Variants in SUPT6H observed in about 807,000 individuals in gnomAD.
SUPT6H encodes the protein transcription elongation factor SPT6.
In SUPT6H, 11 loss-of-function variants were observed where a neutral mutation model predicts 222.3. That is an observed-to-expected ratio of 0.05 (90% CI 0.03 to 0.08). The LOEUF (loss-of-function observed/expected upper bound fraction) is 0.08. Among genes scored for constraint, SUPT6H ranks in the 10% least tolerant of loss-of-function variants. The pLI is 1.00. For synonymous variants in SUPT6H, 762 were observed against 801.2 expected (o/e 0.95, Z 0.83); for missense variants, 1,422 against 2,216.0 (o/e 0.64, Z 7.19).
chr17:28,699,130 T>C (rs1182126350), intron 32 of SUPT6H, among the ~76,000 whole-genome samples: 2 of 152,196 alleles, frequency 1.3e-5, no homozygotes, highest in African/African-American at 4.8e-5. Context: ...CTGGCCTTCA[T>C]TGAGCACAAC....
At position 28,699,879 on chromosome 17, in the gene SUPT6H, A is replaced by T. The variant is rs748311243; in HGVS notation, c.4547A>T (p.Gln1516Leu). 1.2e-6 allele frequency: 2 copies of T among 1,613,336 alleles called. No individual in the cohort carries two copies. Among genetic ancestry groups the T allele is most frequent in the Non-Finnish European group, 1.7e-6 (2 of 1,179,254 alleles). The change falls in exon 33 of 37, where the codon CAG (glutamine) becomes CTG (leucine). Residue 1516 changes from glutamine to leucine, a missense_variant. By Grantham distance (113) the Gln-to-Leu change is moderately radical. Around this residue, in one of 13 missense-constraint regions of SUPT6H, gnomAD observed 395 missense variants for 580.6 expected, o/e 0.68. Coordinates refer to ENST00000314616, the MANE Select transcript of SUPT6H (RefSeq NM_003170.5). ...GLFRWFKDHY[Q>L]DPVPGITPSS... is the part of the protein sequence containing the mutation. Reference sequence around the variant, plus strand: ...TTTAGATGGTTTAAGGATCACTACCAGGATCCTGTACCAGGTGAGTTCTGC... The same window carrying T: ...TTTAGATGGTTTAAGGATCACTACCTGGATCCTGTACCAGGTGAGTTCTGC...
chr17:28,674,455 C>G lies in SUPT6H; in HGVS notation c.268+14C>G, dbSNP rs761221450. The G allele has an allele frequency of 6.2e-7, 1 of 1,613,962 alleles. No individual in the cohort carries two copies. The highest frequency in any genetic ancestry group is 8.5e-7 in the Non-Finnish European group (1 of 1,179,988). ...AGAGAAAACGCAGTGAGTAGTCTGT[C>G]GTTGGCTCAAGTGAGGCTTGGGTGG... is the stretch of plus-strand genomic sequence containing the variant. On this transcript the variant is annotated intron_variant, in intron 3 of 36. Transcript: ENST00000314616.
intron 5 of SUPT6H, 46 bp from the exon 6 acceptor site, chr17:28,675,355 G>T (rs757488034): frequency 1.2e-6 from 2 of 1,606,016 alleles, no homozygotes; most frequent in Non-Finnish European, 1.7e-6. Context: ...TTTAGTCCTG[G>T]CTCAGCCCCT....
At position 28,691,081 on chromosome 17, in the gene SUPT6H, A is replaced by G. The variant is rs1400445354; in HGVS notation, c.3633+18A>G. On this transcript the variant is annotated intron_variant, in intron 27 of 36. Transcript: ENST00000314616. ...TAAGCGAGGTGTGTGCTGCAGCATT[A>G]TCCTGCTCAGTGGATTTCCTTGGTT... The G allele has an allele frequency of 1.2e-6, 2 of 1,610,258 alleles. No homozygotes were observed. The highest frequency in any genetic ancestry group is 2.2e-5 in the East Asian group (1 of 44,732).
intron 7 of SUPT6H, among the ~76,000 whole-genome samples, chr17:28,676,912 C>G (rs936802010): frequency 6.6e-6 from 1 of 151,662 alleles, no homozygotes; most frequent in Non-Finnish European, 1.5e-5. Context: ...AGAAGCAGAC[C>G]CTGTCTCAAA....
intron 2 of SUPT6H, among the ~76,000 whole-genome samples, chr17:28,673,991 A>G (rs1294229956): frequency 6.6e-6 from 1 of 152,216 alleles, no homozygotes; most frequent in Non-Finnish European, 1.5e-5. Flanking sequence ...AACTGAGTAA[A>G]ACAAAGTTAT....
At chr17:28,671,938 A>G (rs1304914498) in intron 1 of SUPT6H, among the ~76,000 whole-genome samples, 2 of 152,098 alleles carry the variant, frequency 1.3e-5, no homozygotes, top group Non-Finnish European at 2.9e-5. Context: ...TTTGATTTCT[A>G]CTCTTGAGCC....
intron 32 of SUPT6H, among the ~76,000 whole-genome samples, chr17:28,698,247 C>T (rs752517792): frequency 2.0e-5 from 3 of 152,160 alleles, no homozygotes; most frequent in Non-Finnish European, 4.4e-5. Flanking sequence ...TCCTTAACAC[C>T]GTGAGAAAGG....
Position 28,689,337 on chromosome 17 carries a change from T to C in SUPT6H, c.3135-17T>C, listed in dbSNP as rs1232665277. On this transcript the variant is annotated splice_polypyrimidine_tract_variant and intron_variant, in intron 24 of 36. Transcript: ENST00000314616. ...CTTATCGTTCTATATCCTGTTCCTT[T>C]TCTGCCTTTCCTCCAGCACTGACTC... 2 of 1,613,716 alleles carry C rather than the reference T, an allele frequency of 1.2e-6. No homozygotes were observed. Among genetic ancestry groups the C allele is most frequent in the African/African-American group, 1.3e-5 (1 of 74,934 alleles).
chr17:28,684,977 G>A lies in SUPT6H; in HGVS notation c.2487+16G>A, dbSNP rs747344191. The A allele has an allele frequency of 6.9e-6, 11 of 1,605,128 alleles. No homozygotes were observed. The East Asian group carries it at 2.0e-4, about 29-fold the overall frequency. On this transcript the variant is annotated intron_variant, in intron 19 of 36. Coordinates refer to ENST00000314616, the MANE Select transcript of SUPT6H (RefSeq NM_003170.5). The stretch of plus-strand genomic sequence containing the variant: ...GGAAAAGAAGGCAAGTGGCTAGGAC[G>A]AGGATACTAAGTGTACATCTGGAGT...
intron 1 of SUPT6H, among the ~76,000 whole-genome samples, chr17:28,667,402 T>TAG (rs1339512326): frequency 6.0e-5 from 2 of 33,292 alleles, no homozygotes; most frequent in African/African-American, 1.9e-4. Flanking sequence ...AAAGTGTGTG[T>TAG]GTGTATATAT....
intron 1 of SUPT6H, 55 bp from the exon 2 acceptor site, chr17:28,673,316 C>A: frequency 1.9e-6 from 2 of 1,059,368 alleles, no homozygotes; most frequent in Non-Finnish European, 1.4e-6. Context: ...GGTTTAAGAG[C>A]CCTCTGTACA....
intron 6 of SUPT6H, among the ~76,000 whole-genome samples, chr17:28,675,788 A>G (rs2030708754): frequency 1.3e-5 from 2 of 152,188 alleles, no homozygotes; most frequent in South Asian, 2.1e-4. Flanking sequence ...CATTCTTAAT[A>G]TATTTTTGTT....
At chr17:28,701,244 G>A in intron 36 of SUPT6H, 116 bp downstream of exon 36, 1 of 1,439,012 alleles carries the variant, frequency 6.9e-7, no homozygotes, top group Non-Finnish European at 9.3e-7. Context: ...CTGACCACAT[G>A]ATATGCCAGG....
chr17:28,663,239 A>G (rs2072096846), intron 1 of SUPT6H, among the ~76,000 whole-genome samples: 1 of 152,214 alleles, frequency 6.6e-6, no homozygotes, highest in Admixed American at 6.5e-5. Flanking sequence ...GTAAGTCTTC[A>G]GTGTTTTGAT....
At chr17:28,689,130 T>G in intron 24 of SUPT6H, 1 of 509,994 alleles carries the variant, frequency 2.0e-6, no homozygotes, top group Non-Finnish European at 3.5e-6. Context: ...TGGGATCATA[T>G]GGTTCATAGT....
chr17:28,693,768 G>A lies in SUPT6H; in HGVS notation c.3706G>A (p.Val1236Ile). 3.1e-6 allele frequency: 5 copies of A among 1,614,224 alleles called. No individual in the cohort carries two copies. The highest frequency in any genetic ancestry group is 4.2e-6 in the Non-Finnish European group (5 of 1,180,030). The stretch of plus-strand genomic sequence containing the variant: ...TGTCAAAACACGGCTAGACAATGGT[G>A]TCACCGGCTTCATCCCCACCAAATT... ...IGVKTRLDNG[V>I]TGFIPTKFLS... Residue 1236 changes from valine (V) to isoleucine (I), a missense_variant, in exon 28 of 37, where the codon GTC becomes ATC. Val to Ile is a conservative substitution (Grantham distance 29). This residue lies in a region of SUPT6H where 39 missense variants were observed against 124.2 expected (regional missense o/e 0.31). Transcript: ENST00000314616.
At chr17:28,679,305 G>A (rs762054463) in intron 11 of SUPT6H, among the ~76,000 whole-genome samples, 15 of 152,200 alleles carry the variant, frequency 9.9e-5, no homozygotes, top group African/African-American at 1.2e-4. Flanking sequence ...CCTGGGAGGC[G>A]GAGGTTGCCG....
intron 1 of SUPT6H, among the ~76,000 whole-genome samples, chr17:28,665,596 A>T (rs1436106155): frequency 6.6e-6 from 1 of 152,058 alleles, no homozygotes; most frequent in Non-Finnish European, 1.5e-5. Context: ...CGTCTCTGTT[A>T]AAGATACAAA....
Sources: allele counts gnomAD v4.1 joint callset (sites outside exome capture counted in the v4.1 genomes callset), GRCh38; gene constraint gnomAD v4.1.1; regional missense constraint gnomAD v4.1.1; transcripts MANE v1.5; gene names NCBI Gene and HGNC (gene_info 2026-07-23, HGNC 2026-07-21).